RALYL: variants seen among roughly 807,000 people sequenced by gnomAD.
RALYL encodes RALY RNA binding protein like.
RALYL carries 29 observed loss-of-function variants against 35.1 expected under a neutral mutation model. The observed-to-expected ratio is 0.83, with a 90% CI of 0.61 to 1.13. RALYL has a LOEUF of 1.13. Ranked by LOEUF, RALYL falls within the 50% of genes most tolerant of loss-of-function variation. The pLI, the probability that RALYL is intolerant of heterozygous loss-of-function variation, is 0.00. For missense variants in RALYL, 359 were observed against 360.4 expected (o/e 1.00, Z 0.03); for synonymous variants, 120 against 127.6 (o/e 0.94, Z 0.40).
intron 1 of RALYL, among the ~76,000 whole-genome samples, chr8:84,248,733 G>A (rs1337612423): frequency 2.0e-5 from 3 of 152,006 alleles, no homozygotes; most frequent in African/African-American, 7.2e-5. Context: ...CATGAAATCT[G>A]TGCATTATTC....
At chr8:84,688,912 GA>G (rs1383418100) in intron 2 of RALYL, among the ~76,000 whole-genome samples, 3 of 151,862 alleles carry the variant, frequency 2.0e-5, no homozygotes, top group Non-Finnish European at 2.9e-5. Flanking sequence ...AAGGGATGTC[GA>G]AAGAATTTCT....
At chr8:84,355,000 A>T (rs1851559374) in intron 1 of RALYL, among the ~76,000 whole-genome samples, 1 of 150,410 alleles carries the variant, frequency 6.6e-6, no homozygotes, top group Non-Finnish European at 1.5e-5. Flanking sequence ...ACAAATATAC[A>T]ACCAGGATGT....
chr8:84,705,485 A>T (rs1219749341), intron 2 of RALYL, among the ~76,000 whole-genome samples: 1 of 152,226 alleles, frequency 6.6e-6, no homozygotes, highest in African/African-American at 2.4e-5. Context: ...CTGGGGAAAT[A>T]GACAAAACTA....
At chr8:84,257,039 T>C (rs945260064) in intron 1 of RALYL, among the ~76,000 whole-genome samples, 1 of 151,952 alleles carries the variant, frequency 6.6e-6, no homozygotes, top group Non-Finnish European at 1.5e-5. Context: ...AATATATTCA[T>C]TAAACCAATA....
chr8:84,260,210 G>C (rs1346510558), intron 1 of RALYL, among the ~76,000 whole-genome samples: 1 of 152,102 alleles, frequency 6.6e-6, no homozygotes, highest in Non-Finnish European at 1.5e-5. Flanking sequence ...ATGAAACAAA[G>C]CTGCACATGT....
intron 2 of RALYL, among the ~76,000 whole-genome samples, chr8:84,713,609 A>G (rs1215593437): frequency 6.6e-6 from 1 of 151,982 alleles, no homozygotes; most frequent in African/African-American, 2.4e-5. Context: ...CATAAAGTAA[A>G]GGGAATTATT....
intron 1 of RALYL, among the ~76,000 whole-genome samples, chr8:84,253,100 A>G (rs369383598): frequency 9.5e-4 from 143 of 150,284 alleles, no homozygotes; most frequent in African/African-American, 3.4e-3. Flanking sequence ...TTTGATATAT[A>G]CATACCTTTC....
At chr8:84,450,648 A>G (rs1388047988) in intron 1 of RALYL, among the ~76,000 whole-genome samples, 1 of 152,042 alleles carries the variant, frequency 6.6e-6, no homozygotes, top group Non-Finnish European at 1.5e-5. Context: ...TTGAAGACCT[A>G]TAAAAGAGCA....
chr8:84,372,779 G>A (rs1463023866), intron 1 of RALYL, among the ~76,000 whole-genome samples: 1 of 150,140 alleles, frequency 6.7e-6, no homozygotes, highest in African/African-American at 2.4e-5. Flanking sequence ...TCTGATTTTA[G>A]GTCTTTGAGG....
upstream of RALYL, chr8:84,183,115 A>AGCAGCAGCAATCGCG (rs1343513735): frequency 6.3e-6 from 1 of 158,590 alleles, no homozygotes; most frequent in Non-Finnish European, 1.4e-5. Flanking sequence ...CAACAGAGGC[A>AGCAGCAGCAATCGCG]GCAGCAGCAA....
intron 8 of RALYL, among the ~76,000 whole-genome samples, chr8:84,890,081 T>A (rs556825623): frequency 4.6e-5 from 7 of 152,182 alleles, no homozygotes; most frequent in Non-Finnish European, 8.8e-5. Flanking sequence ...AACCCTACAA[T>A]GTTTTTCATC....
chr8:84,673,110 A>G (rs970377475), intron 2 of RALYL, among the ~76,000 whole-genome samples: 1 of 152,136 alleles, frequency 6.6e-6, no homozygotes, highest in Non-Finnish European at 1.5e-5. Context: ...TTTGATTTGC[A>G]TTTAATGATC....
chr8:84,733,960 A>G (rs1846730120), intron 2 of RALYL, among the ~76,000 whole-genome samples: 1 of 152,218 alleles, frequency 6.6e-6, no homozygotes, highest in Non-Finnish European at 1.5e-5. Context: ...AATACTTCCT[A>G]TTGCTACAAA....
At chr8:84,680,346 A>G (rs991737560) in intron 2 of RALYL, among the ~76,000 whole-genome samples, 5 of 152,090 alleles carry the variant, frequency 3.3e-5, no homozygotes, top group South Asian at 2.1e-4. Context: ...ATGATTTATA[A>G]TCCTTTGGGT....
At chr8:84,897,759 A>C (rs1425417966) in intron 8 of RALYL, among the ~76,000 whole-genome samples, 1 of 152,330 alleles carries the variant, frequency 6.6e-6, no homozygotes, top group East Asian at 1.9e-4. Flanking sequence ...TTTTAATTAA[A>C]TAATGGAAAC....
At chr8:84,257,945 G>A (rs1286909529) in intron 1 of RALYL, among the ~76,000 whole-genome samples, 1 of 152,134 alleles carries the variant, frequency 6.6e-6, no homozygotes, top group Non-Finnish European at 1.5e-5. Flanking sequence ...AAGTTGGATA[G>A]TAACAGGAAA....
intron 1 of RALYL, among the ~76,000 whole-genome samples, chr8:84,298,112 G>A (rs917308615): frequency 6.6e-6 from 1 of 151,932 alleles, no homozygotes; most frequent in Non-Finnish European, 1.5e-5. Flanking sequence ...CTTTGCCAGA[G>A]CCTATGTTCA....
intron 1 of RALYL, among the ~76,000 whole-genome samples, chr8:84,425,329 C>G (rs1230121806): frequency 2.6e-5 from 4 of 152,132 alleles, no homozygotes; most frequent in Non-Finnish European, 5.9e-5. Context: ...GCGTCCGTCA[C>G]CCCTTTCTTT....
At chr8:84,599,992 C>A (rs994295869) in intron 2 of RALYL, among the ~76,000 whole-genome samples, 1 of 148,990 alleles carries the variant, frequency 6.7e-6, no homozygotes, top group Non-Finnish European at 1.5e-5. Flanking sequence ...GATGATGGGT[C>A]ACTTTCTGTT....
Sources: gnomAD v4.1 joint callset for allele counts (sites outside exome capture counted in the v4.1 genomes callset) on GRCh38, gnomAD v4.1.1 for gene constraint, MANE v1.5 for transcripts, NCBI Gene and HGNC (gene_info 2026-07-23, HGNC 2026-07-21) for gene names.